Variants in SLC25A26 observed in about 807,000 individuals in gnomAD.
SLC25A26 encodes mitochondrial S-adenosylmethionine carrier protein.
A neutral mutation model predicts 37.8 loss-of-function variants in SLC25A26; 36 were observed. The observed-to-expected ratio is 0.95, with a 90% CI of 0.73 to 1.26. The LOEUF (loss-of-function observed/expected upper bound fraction) is 1.26, where lower values mean the gene tolerates loss of function less well. Ranked by LOEUF, SLC25A26 falls within the 50% of genes most tolerant of loss-of-function variation. The pLI, the probability that SLC25A26 is intolerant of heterozygous loss-of-function variation, is 0.00. For synonymous variants in SLC25A26, 129 were observed against 122.5 expected (o/e 1.05, Z -0.35); for missense variants, 390 against 331.1 (o/e 1.18, Z -1.38).
intron 1 of SLC25A26, among the ~76,000 whole-genome samples, chr3:66,235,704 A>C (rs987607957): frequency 4.6e-5 from 7 of 152,238 alleles, no homozygotes; most frequent in Non-Finnish European, 8.8e-5. Flanking sequence ...TCGTTAAAAA[A>C]AGTACAGAAT....
intron 5 of SLC25A26, among the ~76,000 whole-genome samples, chr3:66,310,433 T>G (rs117113824): frequency 6.6e-6 from 1 of 152,210 alleles, no homozygotes; most frequent in Non-Finnish European, 1.5e-5. Context: ...AGCACGCCAG[T>G]GGGTCTTAAC....
At chr3:66,192,730 G>GAGATAAAAATACACTGTTTATTA (rs2070970062) in intron 1 of SLC25A26, among the ~76,000 whole-genome samples, 1 of 152,042 alleles carries the variant, frequency 6.6e-6, no homozygotes, top group East Asian at 1.9e-4. Flanking sequence ...TTACTAGAAA[G>GAGATAAAAATACACTGTTTATTA]AAAAAAGATA....
At chr3:66,315,363 C>T (rs1444796983) in intron 5 of SLC25A26, among the ~76,000 whole-genome samples, 1 of 152,042 alleles carries the variant, frequency 6.6e-6, no homozygotes, top group African/African-American at 2.4e-5. Flanking sequence ...TGATTTCTGC[C>T]TTAATTTCAT....
At chr3:66,246,868 T>C (rs2072867771) in intron 3 of SLC25A26, among the ~76,000 whole-genome samples, 1 of 152,116 alleles carries the variant, frequency 6.6e-6, no homozygotes, top group African/African-American at 2.4e-5. Context: ...AATCTTTGTT[T>C]TTATTTTGTT....
chr3:66,168,579 G>A (rs2070456437), intron 1 of SLC25A26, among the ~76,000 whole-genome samples: 1 of 152,108 alleles, frequency 6.6e-6, no homozygotes, highest in African/African-American at 2.4e-5. Context: ...CTTGAAATAT[G>A]CCTACTAGAA....
At chr3:66,212,468 T>A (rs1403952890) in intron 1 of SLC25A26, among the ~76,000 whole-genome samples, 3 of 152,142 alleles carry the variant, frequency 2.0e-5, no homozygotes, top group African/African-American at 7.2e-5. Context: ...AGCTTCATAA[T>A]CAGTATATAT....
chr3:66,237,293 G>A (rs558323177), intron 2 of SLC25A26, among the ~76,000 whole-genome samples: 1 of 152,322 alleles, frequency 6.6e-6, no homozygotes, highest in South Asian at 2.1e-4. Context: ...TGATTCTTCA[G>A]AACAATCATT....
chr3:66,155,735 T>C (rs1290364432), intron 1 of SLC25A26, among the ~76,000 whole-genome samples: 1 of 152,140 alleles, frequency 6.6e-6, no homozygotes, highest in Non-Finnish European at 1.5e-5. Context: ...GGTGAAAAAC[T>C]GAAAAACCAG....
intron 6 of SLC25A26, among the ~76,000 whole-genome samples, chr3:66,349,666 C>T (rs973294246): frequency 1.3e-5 from 2 of 152,102 alleles, no homozygotes; most frequent in African/African-American, 4.8e-5. Context: ...TAAGTATTTG[C>T]ATATAGTATT....
intron 5 of SLC25A26, among the ~76,000 whole-genome samples, chr3:66,277,297 T>G (rs529127734): frequency 2.0e-5 from 3 of 152,186 alleles, no homozygotes; most frequent in African/African-American, 7.2e-5. Flanking sequence ...TATGCATCTC[T>G]AAAAGATAAC....
At chr3:66,272,655 C>A (rs1447644829) in intron 5 of SLC25A26, among the ~76,000 whole-genome samples, 1 of 152,126 alleles carries the variant, frequency 6.6e-6, no homozygotes, top group Non-Finnish European at 1.5e-5. Flanking sequence ...TACCCCATCC[C>A]TGATCACTCA....
intron 5 of SLC25A26, among the ~76,000 whole-genome samples, chr3:66,277,409 T>G (rs777562901): frequency 1.6e-4 from 25 of 152,058 alleles, no homozygotes; most frequent in South Asian, 8.3e-4. Context: ...AAGCAGAGAG[T>G]AGAACCATGG....
At chr3:66,282,110 C>T (rs1444006141) in intron 5 of SLC25A26, among the ~76,000 whole-genome samples, 1 of 147,162 alleles carries the variant, frequency 6.8e-6, no homozygotes. Flanking sequence ...TTCCCAGGTT[C>T]ACGCCATTCT....
At chr3:66,287,313 A>G (rs996491444) in intron 5 of SLC25A26, among the ~76,000 whole-genome samples, 2 of 151,652 alleles carry the variant, frequency 1.3e-5, no homozygotes, top group Non-Finnish European at 2.9e-5. Context: ...AAAAAAAAAA[A>G]TCTCAAACTG....
chr3:66,238,059 A>G (rs1427671134), intron 2 of SLC25A26, among the ~76,000 whole-genome samples: 1 of 152,158 alleles, frequency 6.6e-6, no homozygotes, highest in Non-Finnish European at 1.5e-5. Context: ...ACTCTGAGTA[A>G]TTGTAACAAG....
chr3:66,349,717 A>G (rs947561354), intron 6 of SLC25A26, among the ~76,000 whole-genome samples: 20 of 152,192 alleles, frequency 1.3e-4, no homozygotes, highest in Admixed American at 1.1e-3. Flanking sequence ...GTCAGAGGCC[A>G]GGAGTAGCAT....
In SLC25A26 at chr3:66,251,864, A is replaced by C. The variant is rs559263087; in HGVS notation, c.300+8552A>C. 5.2e-4 allele frequency among the ~76,000 whole-genome samples: 79 copies of C among 152,284 alleles called. No individual in the cohort carries two copies. The South Asian group carries it at 0.015, about 30-fold the overall frequency. On this transcript the variant is annotated intron_variant, in intron 3 of 9. Coordinates refer to ENST00000354883, the MANE Select transcript of SLC25A26 (RefSeq NM_001379210.1). ...GTGTTAGTTCAGATGGTATTGATTC[A>C]TGACCTGGGAGAGTATATTTCATTG...
rs192539717 is a variant in SLC25A26, at chr3:66,372,361, A to T, written c.707+1759A>T. On this transcript the variant is annotated intron_variant, in intron 9 of 9. Transcript: ENST00000354883. The stretch of plus-strand genomic sequence containing the variant: ...GTGGCAGGTGGGGATGGCATGATCG[A>T]CTGGCAACCCCATGGCCCCAAAAGC... Among the ~76,000 whole-genome samples, 187 of 152,324 alleles carry T rather than the reference A, an allele frequency of 1.2e-3. 1 individual carries two copies. Among genetic ancestry groups the T allele is most frequent in the African/African-American group, 4.2e-3 (175 of 41,574 alleles).
At chr3:66,230,925 AG>A (rs781815190) in intron 1 of SLC25A26, among the ~76,000 whole-genome samples, 2 of 152,064 alleles carry the variant, frequency 1.3e-5, no homozygotes, top group Non-Finnish European at 2.9e-5. Flanking sequence ...CTGTAATCCC[AG>A]CACTTTGGAA....
Sources: allele counts gnomAD v4.1 joint callset (sites outside exome capture counted in the v4.1 genomes callset), GRCh38; gene constraint gnomAD v4.1.1; transcripts MANE v1.5; gene names NCBI Gene and HGNC (gene_info 2026-07-23, HGNC 2026-07-21).